The following RFX3 variants were observed in gnomAD, a reference collection of about 807,000 sequenced individuals.
RFX3 encodes the protein regulatory factor X3.
In RFX3, 14 loss-of-function variants were observed where a neutral mutation model predicts 98.6. That is an observed-to-expected ratio of 0.14 (90% CI 0.09 to 0.22). The LOEUF (loss-of-function observed/expected upper bound fraction) is 0.22, where lower values mean the gene tolerates loss of function less well. Ranked by LOEUF, RFX3 falls within the 10% of genes least tolerant of loss-of-function variation. The pLI is 1.00. For missense variants in RFX3, 639 were observed against 926.9 expected (o/e 0.69, Z 4.03); for synonymous variants, 383 against 328.4 (o/e 1.17, Z -1.80).
chr9:3,470,850 T>C (rs1848714503), intron 1 of RFX3, among the ~76,000 whole-genome samples: 1 of 152,234 alleles, frequency 6.6e-6, no homozygotes, highest in African/African-American at 2.4e-5. Flanking sequence ...ATAAGATAGA[T>C]GACCTTCACA....
chr9:3,336,027 T>C (rs1238464354), intron 3 of RFX3, among the ~76,000 whole-genome samples: 1 of 152,228 alleles, frequency 6.6e-6, no homozygotes, highest in Non-Finnish European at 1.5e-5. Flanking sequence ...CTAAATTCTT[T>C]ATTTTGTATT....
chr9:3,473,683 G>A (rs1456907674), intron 1 of RFX3, among the ~76,000 whole-genome samples: 3 of 152,070 alleles, frequency 2.0e-5, no homozygotes, highest in African/African-American at 7.2e-5. Flanking sequence ...GCTCCCAACT[G>A]CTGAGCTGTA....
At chr9:3,284,218 A>C (rs1826280933) in intron 7 of RFX3, among the ~76,000 whole-genome samples, 1 of 151,782 alleles carries the variant, frequency 6.6e-6, no homozygotes, top group African/African-American at 2.4e-5. Context: ...TGGAATTTGG[A>C]AAAATATCTA....
At chr9:3,344,913 C>T in intron 3 of RFX3, 1 of 692,152 alleles carries the variant, frequency 1.4e-6, no homozygotes, top group Non-Finnish European at 2.6e-6. Flanking sequence ...GAAAAACATT[C>T]ACAGTGTGTC....
chr9:3,339,254 A>G (rs1011927838), intron 3 of RFX3, among the ~76,000 whole-genome samples: 1 of 152,204 alleles, frequency 6.6e-6, no homozygotes, highest in Admixed American at 6.5e-5. Context: ...AAAGATATAC[A>G]TAGTCAGTAC....
At chr9:3,416,174 G>A (rs1006747312) in intron 1 of RFX3, among the ~76,000 whole-genome samples, 1 of 152,084 alleles carries the variant, frequency 6.6e-6, no homozygotes, top group Non-Finnish European at 1.5e-5. Context: ...ATTTAACTAG[G>A]TGCTTTATAA....
intron 1 of RFX3, among the ~76,000 whole-genome samples, chr9:3,517,157 G>A (rs146182642): frequency 6.6e-6 from 1 of 152,172 alleles, no homozygotes; most frequent in Non-Finnish European, 1.5e-5. Flanking sequence ...CCCTTTCCCA[G>A]TGTCAATCTT....
chr9:3,409,660 C>T (rs1445095486), intron 1 of RFX3, among the ~76,000 whole-genome samples: 1 of 152,038 alleles, frequency 6.6e-6, no homozygotes, highest in African/African-American at 2.4e-5. Flanking sequence ...AACAAAATGG[C>T]CATTCAGCAA....
rs1189123449 is a variant in RFX3 at position 3,525,926 on chromosome 9, A to AAGAG, written c.-192_-189dup. ...AGGCAACGGTTGCTATAACTCACAAAAGAGAGAGAGAGAGGGAGAGAGAGA... is the reference window on the plus strand; with the variant it reads ...AGGCAACGGTTGCTATAACTCACAAAAGAGAGAGAGAGAGAGAGGGAGAGAGAGA... On this transcript the variant is annotated 5_prime_UTR_variant, in exon 1 of 17. Coordinates refer to ENST00000617270, the MANE Select transcript of RFX3 (RefSeq NM_001282116.2). The AAGAG allele has an allele frequency of 4.2e-6, 4 of 957,558 alleles. No homozygotes were observed. The highest frequency in any genetic ancestry group is 3.7e-6 in the Non-Finnish European group (3 of 807,818). 59.3% of individuals were successfully genotyped at this position (957,558 alleles called of 1,614,324 possible).
intron 1 of RFX3, among the ~76,000 whole-genome samples, chr9:3,448,871 T>C (rs1423689277): frequency 6.6e-6 from 1 of 152,128 alleles, no homozygotes; most frequent in Non-Finnish European, 1.5e-5. Context: ...AATGTAACAA[T>C]TTTCAACTCT....
intron 3 of RFX3, among the ~76,000 whole-genome samples, chr9:3,336,965 G>C (rs1168727382): frequency 1.3e-5 from 2 of 152,150 alleles, no homozygotes; most frequent in Non-Finnish European, 1.5e-5. Flanking sequence ...AGTATGAAAT[G>C]TACGCCTAAT....
intron 1 of RFX3, among the ~76,000 whole-genome samples, chr9:3,497,708 G>A (rs1449238550): frequency 7.1e-6 from 1 of 140,754 alleles, no homozygotes; most frequent in Non-Finnish European, 1.5e-5. Context: ...AAGCAAAAGT[G>A]TTACAAAAAA....
chr9:3,327,567 T>A (rs1832065359), intron 4 of RFX3, among the ~76,000 whole-genome samples: 1 of 152,076 alleles, frequency 6.6e-6, no homozygotes, highest in Non-Finnish European at 1.5e-5. Flanking sequence ...TTTTTTTTAA[T>A]TTTTATACTC....
At position 3,399,463 on chromosome 9, in the gene RFX3, GAAAC is replaced by G. The variant is rs1181061954; in HGVS notation, c.-8-3871_-8-3868del. Among the ~76,000 whole-genome samples, 118 of 151,528 alleles carry G rather than the reference GAAAC, an allele frequency of 7.8e-4. 2 individuals carry two copies. The highest frequency in any genetic ancestry group is 1.6e-4 in the Non-Finnish European group (11 of 67,792). On this transcript the variant is annotated intron_variant, in intron 1 of 16. Coordinates refer to ENST00000617270, the MANE Select transcript of RFX3 (RefSeq NM_001282116.2). ...CCGTCTCAAAACAAAAAACAAAAAAGAAACAAATTTCCAGAATTTCTTGAAACAT... is the reference window on the plus strand; with the variant it reads ...CCGTCTCAAAACAAAAAACAAAAAAGAAATTTCCAGAATTTCTTGAAACAT...
At chr9:3,461,270 C>G (rs1195937543) in intron 1 of RFX3, among the ~76,000 whole-genome samples, 1 of 151,792 alleles carries the variant, frequency 6.6e-6, no homozygotes, top group Non-Finnish European at 1.5e-5. Context: ...TAAAGTTCAC[C>G]ATTTTTATTC....
intron 4 of RFX3, among the ~76,000 whole-genome samples, chr9:3,318,551 A>G (rs893532103): frequency 7.3e-5 from 11 of 150,184 alleles, no homozygotes; most frequent in Admixed American, 2.0e-4. Flanking sequence ...TTAAAATTAA[A>G]AAAAAAAAAA....
At position 3,340,066 on chromosome 9, in the gene RFX3, C is replaced by A. The variant is rs1329122634; in HGVS notation, c.215+6601G>T. On this transcript the variant is annotated intron_variant, in intron 3 of 16. Coordinates refer to ENST00000617270, the MANE Select transcript of RFX3 (RefSeq NM_001282116.2). ...GCACCAAAACAAAGATATAGACCAA[C>A]GGAACAGAACAGAGCCCTCAGAAAT... 5.9e-5 allele frequency among the ~76,000 whole-genome samples: 9 copies of A among 152,178 alleles called. No individual in the cohort carries two copies. The East Asian group carries it at 1.2e-3, about 20-fold the overall frequency.
chr9:3,414,590 TA>T (rs1842738403), intron 1 of RFX3, among the ~76,000 whole-genome samples: 1 of 148,176 alleles, frequency 6.7e-6, no homozygotes, highest in Non-Finnish European at 1.5e-5. Context: ...CAATGTGGTA[TA>T]TATATATATG....
chr9:3,240,718 C>G lies in RFX3; in HGVS notation c.1968+7314G>C, dbSNP rs190888117. Among the ~76,000 whole-genome samples, 3 of 152,248 alleles carry G rather than the reference C, an allele frequency of 2.0e-5. No homozygotes were observed. In the East Asian group the frequency reaches 5.8e-4, roughly 29 times the overall value. On this transcript the variant is annotated intron_variant, in intron 15 of 16. Transcript: ENST00000617270. ...CCTGTGAGTTTAGGAATTTGCCTAT[C>G]CCAAACAAGAGTTATTTATTTATCA...
Sources: gnomAD v4.1 joint callset for allele counts (sites outside exome capture counted in the v4.1 genomes callset) on GRCh38, gnomAD v4.1.1 for gene constraint, MANE v1.5 for transcripts, NCBI Gene and HGNC (gene_info 2026-07-23, HGNC 2026-07-21) for gene names.